IQCM: variants seen among roughly 807,000 people sequenced by gnomAD.
IQCM encodes IQ motif containing M.
Under a neutral mutation model 57.6 loss-of-function variants are expected in IQCM, and 45 were observed. That is an observed-to-expected ratio of 0.78 (90% CI 0.62 to 1.00). The LOEUF (loss-of-function observed/expected upper bound fraction) is 1.00, where lower values mean the gene tolerates loss of function less well. Among genes scored for constraint, IQCM ranks in the 50% least tolerant of loss-of-function variants. IQCM has a pLI of 0.00. For missense variants in IQCM, 468 were observed against 511.6 expected, an observed-to-expected ratio of 0.91 and a Z score of 0.82; for synonymous variants, 148 against 158.9, an observed-to-expected ratio of 0.93 and a Z score of 0.51.
At chr4:149,427,065 CT>C (rs140521873) in intron 13 of IQCM, among the ~76,000 whole-genome samples, 1 of 151,582 alleles carries the variant, frequency 6.6e-6, no homozygotes, top group Non-Finnish European at 1.5e-5. Context: ...TAGTGTCATC[CT>C]TTTTTTTAAT....
intron 13 of IQCM, among the ~76,000 whole-genome samples, chr4:149,411,822 G>C (rs994439347): frequency 1.3e-5 from 2 of 152,184 alleles, no homozygotes; most frequent in East Asian, 3.9e-4. Context: ...TTAAAAACTA[G>C]TGCTAAGGAA....
intron 13 of IQCM, among the ~76,000 whole-genome samples, chr4:149,385,958 C>G (rs1483286862): frequency 6.6e-6 from 1 of 152,030 alleles, no homozygotes; most frequent in Non-Finnish European, 1.5e-5. Flanking sequence ...CCTTTCCTTA[C>G]TCTCTCATTC....
At chr4:149,627,523 C>T (rs1345361566) in intron 7 of IQCM, among the ~76,000 whole-genome samples, 1 of 152,156 alleles carries the variant, frequency 6.6e-6, no homozygotes, top group Non-Finnish European at 1.5e-5. Context: ...ATTACCTGAC[C>T]TATGCTGCAG....
intron 2 of IQCM, among the ~76,000 whole-genome samples, chr4:149,789,094 G>C (rs981295245): frequency 2.0e-5 from 3 of 152,074 alleles, no homozygotes. Flanking sequence ...AGCAAAGTAG[G>C]GTGACTATAG....
At chr4:149,404,671 C>G (rs190516929) in intron 13 of IQCM, among the ~76,000 whole-genome samples, 234 of 151,864 alleles carry the variant, frequency 1.5e-3, no homozygotes, top group African/African-American at 5.4e-3. Context: ...AGATATGGAA[C>G]AAAAAGTACA....
At chr4:149,720,960 A>G (rs1239182021) in intron 5 of IQCM, among the ~76,000 whole-genome samples, 3 of 152,160 alleles carry the variant, frequency 2.0e-5, no homozygotes, top group African/African-American at 2.4e-5. Context: ...CTTTTTTTAT[A>G]AATTGTTATG....
chr4:149,429,836 T>G (rs1276161154), intron 13 of IQCM: 1 of 405,708 alleles, frequency 2.5e-6, no homozygotes, highest in Non-Finnish European at 4.2e-6. Context: ...TCAAAAAGAT[T>G]CAAGGCTCTG....
At chr4:149,648,096 C>T (rs1282874956) in intron 7 of IQCM, among the ~76,000 whole-genome samples, 2 of 151,938 alleles carry the variant, frequency 1.3e-5, no homozygotes, top group Admixed American at 1.3e-4. Context: ...TTATAATTTC[C>T]TATTTTCTGC....
chr4:149,503,784 C>T (rs534991688), intron 12 of IQCM, among the ~76,000 whole-genome samples: 2 of 152,030 alleles, frequency 1.3e-5, no homozygotes, highest in East Asian at 1.9e-4. Context: ...ATGTAGATTG[C>T]AGTGAATTGA....
intron 13 of IQCM, among the ~76,000 whole-genome samples, chr4:149,422,607 G>A (rs867161621): frequency 6.6e-6 from 1 of 151,968 alleles, no homozygotes; most frequent in Admixed American, 6.6e-5. Flanking sequence ...GTGCATGTGC[G>A]TGTGTGTGTG....
chr4:149,370,211 C>T (rs1730268553), intron 13 of IQCM, among the ~76,000 whole-genome samples: 1 of 152,156 alleles, frequency 6.6e-6, no homozygotes, highest in Non-Finnish European at 1.5e-5. Flanking sequence ...ACATTTTTAG[C>T]ATAGAGTTTA....
chr4:149,535,736 A>G (rs1388055644), intron 12 of IQCM, among the ~76,000 whole-genome samples: 1 of 152,052 alleles, frequency 6.6e-6, no homozygotes, highest in Non-Finnish European at 1.5e-5. Flanking sequence ...TATCAAACCA[A>G]ATAATAAGAG....
chr4:149,555,281 G>T (rs1036147414), intron 10 of IQCM, among the ~76,000 whole-genome samples: 3 of 152,074 alleles, frequency 2.0e-5, no homozygotes, highest in South Asian at 4.1e-4. Context: ...CCCTACATAT[G>T]AATCTTAGTG....
chr4:149,377,089 G>GA (rs1310633568), intron 13 of IQCM, among the ~76,000 whole-genome samples: 1 of 151,848 alleles, frequency 6.6e-6, no homozygotes, highest in Non-Finnish European at 1.5e-5. Context: ...CCAGAATACA[G>GA]AAAATTTCTA....
intron 8 of IQCM, among the ~76,000 whole-genome samples, chr4:149,617,708 C>A (rs911090410): frequency 6.6e-6 from 1 of 151,960 alleles, no homozygotes; most frequent in African/African-American, 2.4e-5. Context: ...TTTCAATATA[C>A]CAATAATGAT....
intron 13 of IQCM, among the ~76,000 whole-genome samples, chr4:149,384,379 A>C (rs1382750025): frequency 6.6e-6 from 1 of 152,120 alleles, no homozygotes; most frequent in African/African-American, 2.4e-5. Flanking sequence ...TAGGGCATAC[A>C]TTTCCTTTTG....
intron 8 of IQCM, among the ~76,000 whole-genome samples, chr4:149,595,722 C>T (rs993440229): frequency 4.6e-5 from 7 of 152,236 alleles, no homozygotes; most frequent in Middle Eastern, 3.4e-3. Flanking sequence ...TTTCACAAGC[C>T]AATCTCTTTA....
chr4:149,686,823 T>G (rs1435221317), intron 5 of IQCM, among the ~76,000 whole-genome samples: 1 of 151,446 alleles, frequency 6.6e-6, no homozygotes, highest in Non-Finnish European at 1.5e-5. Context: ...ATCACAAAGC[T>G]TAGTTCTTAC....
chr4:149,442,772 C>T (rs923803343), intron 12 of IQCM, among the ~76,000 whole-genome samples: 3 of 151,952 alleles, frequency 2.0e-5, no homozygotes, highest in African/African-American at 7.2e-5. Flanking sequence ...ATCCATAATT[C>T]TACTAATGGT....
Sources: gnomAD v4.1 joint callset for allele counts (sites outside exome capture counted in the v4.1 genomes callset) on GRCh38, gnomAD v4.1.1 for gene constraint, MANE v1.5 for transcripts, NCBI Gene and HGNC (gene_info 2026-07-23, HGNC 2026-07-21) for gene names.